TNFSF4: variants seen among roughly 807,000 people sequenced by gnomAD.
The protein encoded by TNFSF4 is TNF superfamily member 4.
Under a neutral mutation model 7.3 loss-of-function variants are expected in TNFSF4, and 4 were observed. The observed-to-expected ratio is 0.55, with a 90% confidence interval of 0.27 to 1.25. TNFSF4 has a LOEUF of 1.25. Among genes scored for constraint, TNFSF4 ranks in the 50% most tolerant of loss-of-function variants. The pLI is 0.12. For synonymous variants in TNFSF4, 76 were observed against 83.7 expected, an observed-to-expected ratio of 0.91 and a Z score of 0.50; for missense variants, 181 against 208.8, an observed-to-expected ratio of 0.87 and a Z score of 0.82.
At chr1:173,384,776 C>T in the TNFSF4 span, among the ~76,000 whole-genome samples, 1 of 152,240 alleles carries the variant, frequency 6.6e-6, no homozygotes, top group African/African-American at 2.4e-5. Flanking sequence ...CTGCACATGT[C>T]ATGTCACTGC....
At chr1:173,229,997 C>A in the TNFSF4 span, among the ~76,000 whole-genome samples, 1 of 152,070 alleles carries the variant, frequency 6.6e-6, no homozygotes, top group African/African-American at 2.4e-5. Context: ...GACGTTAACA[C>A]CCCACTGTCA....
the TNFSF4 span, among the ~76,000 whole-genome samples, chr1:173,387,960 G>A: frequency 6.6e-6 from 1 of 152,124 alleles, no homozygotes; most frequent in African/African-American, 2.4e-5. Context: ...CTCTAGAGTT[G>A]GACATTCTGA....
the TNFSF4 span, among the ~76,000 whole-genome samples, chr1:173,223,145 CTTAA>C: frequency 2.6e-5 from 4 of 152,118 alleles, no homozygotes; most frequent in Non-Finnish European, 5.9e-5. Context: ...TTTTTTAAGC[CTTAA>C]TTTTCTTATT....
chr1:173,298,891 A>G, the TNFSF4 span, among the ~76,000 whole-genome samples: 5 of 152,096 alleles, frequency 3.3e-5, no homozygotes, highest in South Asian at 6.2e-4. Flanking sequence ...ATCACACTGG[A>G]TAAATGAAAG....
At chr1:173,324,193 C>CG in the TNFSF4 span, among the ~76,000 whole-genome samples, 55 of 152,046 alleles carry the variant, frequency 3.6e-4, no homozygotes, top group African/African-American at 1.1e-3. Context: ...CCAGAAGGGG[C>CG]GGGGGGGCCA....
the TNFSF4 span, among the ~76,000 whole-genome samples, chr1:173,415,687 A>G: frequency 3.3e-5 from 5 of 152,248 alleles, no homozygotes; most frequent in African/African-American, 1.2e-4. Flanking sequence ...CAGCCTTTCC[A>G]TGCATGAAAT....
chr1:173,441,385 G>A, the TNFSF4 span, among the ~76,000 whole-genome samples: 4 of 152,146 alleles, frequency 2.6e-5, no homozygotes, highest in African/African-American at 4.8e-5. Context: ...CACTTTGGGA[G>A]GCCAAGGTGG....
upstream of TNFSF4, among the ~76,000 whole-genome samples, chr1:173,212,194 G>A (rs1650393911): frequency 6.6e-6 from 1 of 152,108 alleles, no homozygotes; most frequent in Non-Finnish European, 1.5e-5. Context: ...CAAAAGGAGG[G>A]CATTAATCTA....
the TNFSF4 span, among the ~76,000 whole-genome samples, chr1:173,430,121 A>G: frequency 6.6e-6 from 1 of 152,238 alleles, no homozygotes; most frequent in East Asian, 1.9e-4. Flanking sequence ...AAGGCCTGCC[A>G]GCAGCCTACG....
At chr1:173,226,056 A>G in the TNFSF4 span, among the ~76,000 whole-genome samples, 2 of 152,240 alleles carry the variant, frequency 1.3e-5, no homozygotes, top group Non-Finnish European at 2.9e-5. Flanking sequence ...ATCTCTTTTA[A>G]GTTAAAGAAT....
chr1:173,324,241 G>A, the TNFSF4 span, among the ~76,000 whole-genome samples: 2 of 152,174 alleles, frequency 1.3e-5, no homozygotes, highest in Non-Finnish European at 2.9e-5. Flanking sequence ...TTTCAACCCA[G>A]AATTTCATAT....
chr1:173,216,545 C>A, the TNFSF4 span, among the ~76,000 whole-genome samples: 1 of 152,016 alleles, frequency 6.6e-6, no homozygotes, highest in Non-Finnish European at 1.5e-5. Flanking sequence ...CATAAAGAAC[C>A]AAATGAATGG....
At chr1:173,396,273 G>T in the TNFSF4 span, among the ~76,000 whole-genome samples, 1 of 152,216 alleles carries the variant, frequency 6.6e-6, no homozygotes, top group African/African-American at 2.4e-5. Flanking sequence ...ACTCTGGGAG[G>T]CCGATGTAGA....
At chr1:173,323,840 C>T in the TNFSF4 span, among the ~76,000 whole-genome samples, 1 of 151,946 alleles carries the variant, frequency 6.6e-6, no homozygotes, top group East Asian at 1.9e-4. Context: ...TGAACAAAGC[C>T]TGCAAGAAAT....
chr1:173,266,959 G>A, the TNFSF4 span, among the ~76,000 whole-genome samples: 69,330 of 151,826 alleles, frequency 0.46, 16,105 homozygotes, highest in Admixed American at 0.52. Context: ...TTTAAAACTC[G>A]TAGGAGCAAC....
At chr1:173,392,578 T>C in the TNFSF4 span, among the ~76,000 whole-genome samples, 2 of 152,192 alleles carry the variant, frequency 1.3e-5, no homozygotes, top group African/African-American at 4.8e-5. Context: ...TGAGCACACA[T>C]TTACTGAGAA....
chr1:173,350,135 T>C, the TNFSF4 span, among the ~76,000 whole-genome samples: 1 of 152,208 alleles, frequency 6.6e-6, no homozygotes, highest in Admixed American at 6.5e-5. Flanking sequence ...AATACTTCCA[T>C]CCCTGCATCA....
chr1:173,389,034 A>C, the TNFSF4 span, among the ~76,000 whole-genome samples: 2 of 152,336 alleles, frequency 1.3e-5, no homozygotes, highest in East Asian at 3.9e-4. Flanking sequence ...TGTTATGTGC[A>C]TATATAATTA....
At chr1:173,377,481 G>A in the TNFSF4 span, among the ~76,000 whole-genome samples, 2 of 152,202 alleles carry the variant, frequency 1.3e-5, no homozygotes, top group Non-Finnish European at 2.9e-5. Context: ...CTGCGGCCAT[G>A]AGTGGAACTC....
Sources: allele counts gnomAD v4.1 joint callset (sites outside exome capture counted in the v4.1 genomes callset), GRCh38; gene constraint gnomAD v4.1.1; transcripts MANE v1.5; gene names NCBI Gene and HGNC (gene_info 2026-07-23, HGNC 2026-07-21).